NUCKS1: variants seen among roughly 807,000 people sequenced by gnomAD.
The protein encoded by NUCKS1 is nuclear ubiquitous casein and cyclin-dependent kinase substrate 1.
In NUCKS1, 2 loss-of-function variants were observed where a neutral mutation model predicts 33.0. That is an observed-to-expected ratio of 0.06 (90% confidence interval 0.02 to 0.19). The LOEUF is 0.19. NUCKS1 is among the 10% of genes least tolerant of loss of function. The probability of loss-of-function intolerance (pLI) is 1.00; values close to 1 mark genes in which losing one functional copy is unlikely to be tolerated. For synonymous variants in NUCKS1, 106 were observed against 102.8 expected (o/e 1.03, Z -0.19); for missense variants, 201 against 293.6 (o/e 0.68, Z 2.31).
intron 1 of NUCKS1, among the ~76,000 whole-genome samples, chr1:205,742,834 A>AAAT (rs1654212545): frequency 1.3e-5 from 2 of 152,180 alleles, no homozygotes; most frequent in Admixed American, 6.5e-5. Flanking sequence ...CAAAGAAAAA[A>AAAT]AAATAAATAA....
intron 1 of NUCKS1, among the ~76,000 whole-genome samples, chr1:205,744,047 C>T (rs1393516476): frequency 6.6e-6 from 1 of 152,174 alleles, no homozygotes; most frequent in Non-Finnish European, 1.5e-5. Flanking sequence ...CTGGTTTTTC[C>T]TCCTGTCAGG....
intron 1 of NUCKS1, among the ~76,000 whole-genome samples, chr1:205,744,225 G>C (rs912997245): frequency 1.3e-5 from 2 of 152,148 alleles, no homozygotes; most frequent in African/African-American, 4.8e-5. Context: ...AAAAGATCAC[G>C]AACTGGCTTT....
chr1:205,744,704 C>T (rs916888378), intron 1 of NUCKS1, among the ~76,000 whole-genome samples: 2 of 130,004 alleles, frequency 1.5e-5, no homozygotes, highest in African/African-American at 5.8e-5. Context: ...GTGGTCTCGG[C>T]TCACTGCAAC....
Position 205,713,094 on chromosome 1 carries a change from T to C in NUCKS1, c.*5186A>G, listed in dbSNP as rs1174199909. 2 of 152,178 alleles carry C rather than the reference T, an allele frequency of 1.3e-5. No homozygotes were observed. Among genetic ancestry groups the C allele is most frequent in the Non-Finnish European group, 2.9e-5 (2 of 68,036 alleles). The allele number at this position is 152,178 out of a possible 1,614,324, so 9.4% of individuals were successfully genotyped here. ...CTAAATAATTTATTAGGGAAATAAG[T>C]TCCCACAAAGTCAGGCTGAACTGGG... On this transcript the variant is annotated 3_prime_UTR_variant, in exon 7 of 7. Coordinates refer to ENST00000367142, the MANE Select transcript of NUCKS1 (RefSeq NM_022731.5).
chr1:205,733,822 T>C (rs1653971684), intron 1 of NUCKS1, among the ~76,000 whole-genome samples: 1 of 152,084 alleles, frequency 6.6e-6, no homozygotes, highest in Admixed American at 6.6e-5. Flanking sequence ...TGTATATCTA[T>C]CTGTATCTAT....
chr1:205,738,150 C>G (rs1654074036), intron 1 of NUCKS1, among the ~76,000 whole-genome samples: 1 of 152,138 alleles, frequency 6.6e-6, no homozygotes, highest in Non-Finnish European at 1.5e-5. Context: ...CTCAGCCTCC[C>G]CAATAGCTGA....
intron 1 of NUCKS1, among the ~76,000 whole-genome samples, chr1:205,748,516 C>G (rs560799173): frequency 1.3e-5 from 2 of 152,330 alleles, no homozygotes; most frequent in East Asian, 3.9e-4. Context: ...AAAGAGCTAT[C>G]CAGACTCCTT....
intron 3 of NUCKS1, among the ~76,000 whole-genome samples, chr1:205,727,405 T>C (rs553396736): frequency 2.0e-5 from 3 of 152,260 alleles, no homozygotes; most frequent in Non-Finnish European, 4.4e-5. Context: ...CAGCAGGCTA[T>C]ACAACTTAAG....
At chr1:205,745,020 C>T (rs1654282307) in intron 1 of NUCKS1, among the ~76,000 whole-genome samples, 1 of 152,154 alleles carries the variant, frequency 6.6e-6, no homozygotes, top group African/African-American at 2.4e-5. Flanking sequence ...CATCCTGTTA[C>T]CTTTTGGGAA....
At chr1:205,749,288 G>A (rs749309173) in intron 1 of NUCKS1, among the ~76,000 whole-genome samples, 6 of 152,226 alleles carry the variant, frequency 3.9e-5, no homozygotes, top group Admixed American at 1.3e-4. Flanking sequence ...AGAGGCAGCA[G>A]CCCATTATTT....
At chr1:205,746,790 TTA>T (rs1654343920) in intron 1 of NUCKS1, among the ~76,000 whole-genome samples, 1 of 152,230 alleles carries the variant, frequency 6.6e-6, no homozygotes, top group Non-Finnish European at 1.5e-5. Context: ...TTGTAAGAGC[TTA>T]TGTTTTCACA....
chr1:205,744,811 C>T lies in NUCKS1; in HGVS notation c.17+5146G>A, dbSNP rs555767747. ...CCACGCCTGGCTAATTTTGTATTTT[C>T]AGTAGAGACGGGGTTTCTCCATGTT... On this transcript the variant is annotated intron_variant, in intron 1 of 6. Transcript: ENST00000367142. Among the ~76,000 whole-genome samples the T allele has an allele frequency of 2.2e-4, 33 of 151,866 alleles. 2 individuals are homozygous for T. In the South Asian group the frequency reaches 6.7e-3, roughly 31 times the overall value.
chr1:205,719,747 G>A, intron 5 of NUCKS1, 71 bp from the exon 6 acceptor site: 2 of 1,514,452 alleles, frequency 1.3e-6, no homozygotes, highest in Non-Finnish European at 1.8e-6. Context: ...GGAAGAGAGT[G>A]CTAAGAATGA....
At chr1:205,720,716 A>T in intron 4 of NUCKS1, 63 bp from the exon 5 acceptor site, 1 of 1,461,404 alleles carries the variant, frequency 6.8e-7, no homozygotes. Context: ...AAGATAGTGC[A>T]AAAGATTAAT....
chr1:205,739,596 T>C (rs1262085974), intron 1 of NUCKS1, among the ~76,000 whole-genome samples: 1 of 152,036 alleles, frequency 6.6e-6, no homozygotes, highest in Non-Finnish European at 1.5e-5. Context: ...CCTCAGCCCC[T>C]ACCCCAGTAG....
At position 205,716,595 on chromosome 1, in the gene NUCKS1, C is replaced by T. The variant is rs147012101; in HGVS notation, c.*1685G>A. 49 of 152,188 alleles carry T rather than the reference C, an allele frequency of 3.2e-4. No individual in the cohort carries two copies. Among genetic ancestry groups the T allele is most frequent in the African/African-American group, 1.0e-3 (43 of 41,526 alleles). 9.4% of individuals were successfully genotyped at this position (152,188 alleles called of 1,614,324 possible). A position where few individuals can be genotyped will look rare whatever the true frequency, so the allele number is the denominator to read the frequency against. On this transcript the variant is annotated 3_prime_UTR_variant, in exon 7 of 7. Coordinates refer to ENST00000367142, the MANE Select transcript of NUCKS1 (RefSeq NM_022731.5). ...CAGTGCAATAGTGAAATGACTCTGCCACTGTGTGTTTTTTAAAAAAAGATC... is the reference window on the plus strand; with the variant it reads ...CAGTGCAATAGTGAAATGACTCTGCTACTGTGTGTTTTTTAAAAAAAGATC...
chr1:205,737,037 C>T (rs1196079570), intron 1 of NUCKS1, among the ~76,000 whole-genome samples: 1 of 152,070 alleles, frequency 6.6e-6, no homozygotes, highest in Non-Finnish European at 1.5e-5. Context: ...TCCTTTTTAA[C>T]ACTTCCTCAT....
At chr1:205,738,119 G>A (rs1177178759) in intron 1 of NUCKS1, among the ~76,000 whole-genome samples, 2 of 152,024 alleles carry the variant, frequency 1.3e-5, no homozygotes, top group Non-Finnish European at 2.9e-5. Flanking sequence ...TCTACCTCCC[G>A]GGTTCAAGCA....
intron 3 of NUCKS1, 197 bp from the exon 4 acceptor site, chr1:205,724,178 A>G (rs1671965740): frequency 1.6e-6 from 1 of 609,620 alleles, no homozygotes; most frequent in Non-Finnish European, 3.0e-6. Flanking sequence ...TTTACGTTAC[A>G]AAACACTGCT....
Sources: gnomAD v4.1 joint callset for allele counts (sites outside exome capture counted in the v4.1 genomes callset) on GRCh38, gnomAD v4.1.1 for gene constraint, MANE v1.5 for transcripts, NCBI Gene and HGNC (gene_info 2026-07-23, HGNC 2026-07-21) for gene names.